RSRC1: variants seen among roughly 807,000 people sequenced by gnomAD.
The protein encoded by RSRC1 is serine/Arginine-related protein 53.
In RSRC1, 39 loss-of-function variants were observed where a neutral mutation model predicts 49.1. That is an observed-to-expected ratio of 0.79 (90% CI 0.61 to 1.04). The LOEUF (loss-of-function observed/expected upper bound fraction) is 1.04, where lower values mean the gene tolerates loss of function less well. Among genes scored for constraint, RSRC1 ranks in the 50% least tolerant of loss-of-function variants. The pLI, the probability that RSRC1 is intolerant of heterozygous loss-of-function variation, is 0.00. For synonymous variants in RSRC1, 143 were observed against 130.8 expected (o/e 1.09, Z -0.63); for missense variants, 388 against 402.4 (o/e 0.96, Z 0.31).
intron 3 of RSRC1, among the ~76,000 whole-genome samples, chr3:158,151,953 C>T (rs1717564351): frequency 6.6e-6 from 1 of 151,946 alleles, no homozygotes; most frequent in African/African-American, 2.4e-5. Flanking sequence ...TTGTTAGGTT[C>T]TTTTTAAGTG....
chr3:158,439,668 G>A (rs970050731), intron 6 of RSRC1, among the ~76,000 whole-genome samples: 16 of 152,192 alleles, frequency 1.1e-4, no homozygotes, highest in African/African-American at 3.4e-4. Context: ...CTGTTGTGGG[G>A]TGGGGGGCTA....
chr3:158,269,937 T>C (rs1725409490), intron 4 of RSRC1, among the ~76,000 whole-genome samples: 1 of 152,214 alleles, frequency 6.6e-6, no homozygotes, highest in Non-Finnish European at 1.5e-5. Flanking sequence ...AAGAACTTCT[T>C]TTAACTGAAG....
intron 7 of RSRC1, among the ~76,000 whole-genome samples, chr3:158,473,482 G>A (rs1246162134): frequency 6.6e-6 from 1 of 152,038 alleles, no homozygotes. Flanking sequence ...TTGGACACAG[G>A]AAGGGGAACA....
chr3:158,254,425 CCATT>C (rs1406779034), intron 4 of RSRC1, among the ~76,000 whole-genome samples: 1 of 152,044 alleles, frequency 6.6e-6, no homozygotes, highest in Non-Finnish European at 1.5e-5. Flanking sequence ...TCTCCAGCAT[CCATT>C]GTTTCCTGAC....
chr3:158,238,774 A>G (rs1559956784), intron 4 of RSRC1, among the ~76,000 whole-genome samples: 1 of 152,218 alleles, frequency 6.6e-6, no homozygotes, highest in Non-Finnish European at 1.5e-5. Context: ...CTAGAAAAAA[A>G]CAGAGGGAAT....
At chr3:158,127,825 T>C (rs1206219702) in intron 3 of RSRC1, among the ~76,000 whole-genome samples, 1 of 151,532 alleles carries the variant, frequency 6.6e-6, no homozygotes, top group East Asian at 1.9e-4. Context: ...TCCTAGTCTT[T>C]ATGGACTGGC....
intron 5 of RSRC1, 91 bp downstream of exon 5, chr3:158,298,166 T>C: frequency 1.0e-6 from 1 of 963,636 alleles, no homozygotes. Context: ...ATACTTTGTA[T>C]TGAGAAAGTC....
At chr3:158,122,343 C>T (rs759292509) in intron 2 of RSRC1, 45 bp downstream of exon 2, 20 of 1,248,262 alleles carry the variant, frequency 1.6e-5, no homozygotes, top group Admixed American at 2.8e-5. Context: ...GGATAACATT[C>T]TTTAAAATTC....
chr3:158,471,994 C>T (rs1336175190), intron 7 of RSRC1, among the ~76,000 whole-genome samples: 1 of 152,068 alleles, frequency 6.6e-6, no homozygotes, highest in Non-Finnish European at 1.5e-5. Flanking sequence ...GAGAATAAGT[C>T]ACTCTGCAAA....
At chr3:158,242,032 CTTTTT>C (rs34356543) in intron 4 of RSRC1, among the ~76,000 whole-genome samples, 2 of 66,632 alleles carry the variant, frequency 3.0e-5, no homozygotes, top group South Asian at 1.3e-3. Context: ...AATTTCCAAC[CTTTTT>C]TTTTTTTTTT....
chr3:158,113,265 A>G (rs6794461), intron 1 of RSRC1, among the ~76,000 whole-genome samples: 108,155 of 152,034 alleles, frequency 0.71, 39,208 homozygotes, highest in African/African-American at 0.83. Context: ...AATGCCTGTG[A>G]CATCATCTTC....
intron 4 of RSRC1, among the ~76,000 whole-genome samples, chr3:158,238,441 G>C (rs948477072): frequency 8.5e-5 from 13 of 152,130 alleles, no homozygotes; most frequent in Non-Finnish European, 1.5e-5. Flanking sequence ...AAAGCTGGAG[G>C]CATCATGCTA....
At chr3:158,279,160 A>C (rs554378439) in intron 4 of RSRC1, among the ~76,000 whole-genome samples, 2 of 152,320 alleles carry the variant, frequency 1.3e-5, no homozygotes, top group South Asian at 4.1e-4. Flanking sequence ...AGGCCCTTGA[A>C]ACTGCGTTTA....
At chr3:158,474,262 T>C (rs1738273871) in intron 7 of RSRC1, among the ~76,000 whole-genome samples, 1 of 152,202 alleles carries the variant, frequency 6.6e-6, no homozygotes, top group Admixed American at 6.5e-5. Flanking sequence ...CTAATTTTTT[T>C]GTTTCCCGTA....
intron 6 of RSRC1, among the ~76,000 whole-genome samples, chr3:158,406,917 A>G (rs562538823): frequency 6.6e-6 from 1 of 152,182 alleles, no homozygotes; most frequent in Non-Finnish European, 1.5e-5. Flanking sequence ...GAAATTTATT[A>G]TTCTGGAGAT....
intron 5 of RSRC1, among the ~76,000 whole-genome samples, chr3:158,304,568 G>A (rs1727738331): frequency 1.3e-5 from 2 of 152,044 alleles, no homozygotes; most frequent in African/African-American, 2.4e-5. Context: ...GTCTAAATGA[G>A]TTTAAGAATA....
At chr3:158,266,216 A>AT (rs1725167001) in intron 4 of RSRC1, among the ~76,000 whole-genome samples, 1 of 151,558 alleles carries the variant, frequency 6.6e-6, no homozygotes, top group African/African-American at 2.4e-5. Context: ...CTTTTTCATC[A>AT]TTTTTTCTCT....
intron 5 of RSRC1, among the ~76,000 whole-genome samples, chr3:158,325,616 GT>G (rs1378370888): frequency 6.6e-6 from 1 of 152,148 alleles, no homozygotes; most frequent in Non-Finnish European, 1.5e-5. Context: ...CTACCATGCT[GT>G]TTTGGTTACT....
chr3:158,291,555 A>C (rs1203768068), intron 4 of RSRC1, among the ~76,000 whole-genome samples: 1 of 152,200 alleles, frequency 6.6e-6, no homozygotes, highest in Non-Finnish European at 1.5e-5. Flanking sequence ...TTTTGGATTG[A>C]GGTGATAGGG....
Sources: gnomAD v4.1 joint callset for allele counts (sites outside exome capture counted in the v4.1 genomes callset) on GRCh38, gnomAD v4.1.1 for gene constraint, MANE v1.5 for transcripts, NCBI Gene and HGNC (gene_info 2026-07-23, HGNC 2026-07-21) for gene names.